SLIT3: variants seen among roughly 807,000 people sequenced by gnomAD.
The protein encoded by SLIT3 is slit homolog 3 protein.
In SLIT3, 68 loss-of-function variants were observed where a neutral mutation model predicts 184.0. The ratio of observed to expected loss-of-function variants is 0.37; its 90% confidence interval spans 0.30 to 0.45. SLIT3 has a LOEUF of 0.45. Among genes scored for constraint, SLIT3 ranks in the 20% least tolerant of loss-of-function variants. The pLI is 1.00. For missense variants in SLIT3, 1,707 were observed against 2,026.0 expected (o/e 0.84, Z 3.02); for synonymous variants, 831 against 828.6 (o/e 1.00, Z -0.05).
intron 4 of SLIT3, among the ~76,000 whole-genome samples, chr5:168,936,033 T>C (rs1762148165): frequency 6.6e-6 from 1 of 152,230 alleles, no homozygotes; most frequent in South Asian, 2.1e-4. Flanking sequence ...ATAGTTGTAA[T>C]TAGTTTCCCC....
At chr5:169,136,784 T>A (rs141635555) in intron 4 of SLIT3, among the ~76,000 whole-genome samples, 2 of 152,126 alleles carry the variant, frequency 1.3e-5, no homozygotes, top group Admixed American at 1.3e-4. Context: ...TGTGTATGAG[T>A]TGAACCATTA....
chr5:168,909,023 C>A (rs796080490), intron 4 of SLIT3, among the ~76,000 whole-genome samples: 8 of 152,326 alleles, frequency 5.3e-5, no homozygotes, highest in African/African-American at 1.9e-4. Flanking sequence ...AGGTACCCGC[C>A]AGGCTTCTTG....
At chr5:169,220,099 C>T (rs1240004271) in intron 3 of SLIT3, among the ~76,000 whole-genome samples, 1 of 152,074 alleles carries the variant, frequency 6.6e-6, no homozygotes, top group Non-Finnish European at 1.5e-5. Context: ...CTCTTTAGAC[C>T]CAGCACCACT....
intron 4 of SLIT3, among the ~76,000 whole-genome samples, chr5:169,053,073 T>TA (rs1757870599): frequency 6.6e-6 from 1 of 152,236 alleles, no homozygotes; most frequent in African/African-American, 2.4e-5. Flanking sequence ...AAGAAGGTGT[T>TA]ATACCTGTAG....
intron 4 of SLIT3, among the ~76,000 whole-genome samples, chr5:169,082,906 G>A (rs901671869): frequency 2.0e-5 from 3 of 152,192 alleles, no homozygotes; most frequent in South Asian, 2.1e-4. Context: ...ATTGACAAAT[G>A]TCTTCTCAGC....
intron 1 of SLIT3, among the ~76,000 whole-genome samples, chr5:169,299,079 G>A (rs1767598529): frequency 6.6e-6 from 1 of 152,088 alleles, no homozygotes; most frequent in African/African-American, 2.4e-5. Context: ...CCCCTTTATT[G>A]CCGTCAACTT....
intron 4 of SLIT3, among the ~76,000 whole-genome samples, chr5:169,088,999 G>A (rs61305293): frequency 0.015 from 1,643 of 106,256 alleles, 44 homozygotes; most frequent in African/African-American, 0.057. Flanking sequence ...CAGCCTGGGA[G>A]ACAGAGCAAG....
At chr5:169,004,725 G>C (rs777240074) in intron 4 of SLIT3, among the ~76,000 whole-genome samples, 8 of 152,044 alleles carry the variant, frequency 5.3e-5, no homozygotes, top group African/African-American at 1.9e-4. Context: ...AAGGAATTAG[G>C]TATAGATGAG....
intron 4 of SLIT3, chr5:169,018,836 G>C (rs915287785): frequency 6.6e-6 from 1 of 152,178 alleles, no homozygotes; most frequent in Non-Finnish European, 1.5e-5. Context: ...TTTTCCTTCT[G>C]TTTTGACTAC....
At chr5:169,264,603 C>A (rs561573868) in intron 1 of SLIT3, among the ~76,000 whole-genome samples, 9 of 152,278 alleles carry the variant, frequency 5.9e-5, no homozygotes, top group Admixed American at 6.5e-5. Flanking sequence ...CACCCAGCTA[C>A]CCTGATGAAA....
chr5:168,877,619 C>T (rs1759782200), intron 5 of SLIT3, among the ~76,000 whole-genome samples: 1 of 152,152 alleles, frequency 6.6e-6, no homozygotes, highest in Non-Finnish European at 1.5e-5. Context: ...GGAGACAGCC[C>T]TCATTAATCT....
chr5:169,106,551 A>G (rs931982556), intron 4 of SLIT3, among the ~76,000 whole-genome samples: 15 of 152,132 alleles, frequency 9.9e-5, no homozygotes, highest in African/African-American at 3.4e-4. Flanking sequence ...TAAAAAAATC[A>G]CCAGTATTGA....
At chr5:168,707,338 C>G (rs910342198) in intron 26 of SLIT3, 1 of 153,336 alleles carries the variant, frequency 6.5e-6, no homozygotes. Flanking sequence ...GGCACATGGT[C>G]GATATCCACA....
intron 4 of SLIT3, among the ~76,000 whole-genome samples, chr5:169,021,230 C>A (rs1174165427): frequency 6.6e-6 from 1 of 152,196 alleles, no homozygotes; most frequent in Admixed American, 6.5e-5. Context: ...TCCAAGAATG[C>A]CTGTGATCTG....
At chr5:168,755,389 A>ATTTATTTATTTCTTTC (rs1213373035) in intron 16 of SLIT3, among the ~76,000 whole-genome samples, 3 of 133,640 alleles carry the variant, frequency 2.2e-5, no homozygotes, top group Admixed American at 7.9e-5. Context: ...CAGTGCCGCC[A>ATTTATTTATTTCTTTC]TTTCTTTCTT....
chr5:169,131,609 A>G (rs1761300834), intron 4 of SLIT3, among the ~76,000 whole-genome samples: 1 of 152,230 alleles, frequency 6.6e-6, no homozygotes, highest in Non-Finnish European at 1.5e-5. Flanking sequence ...GTTTACGATC[A>G]TGCACCAACT....
intron 4 of SLIT3, among the ~76,000 whole-genome samples, chr5:169,056,951 CA>C (rs1284316628): frequency 6.6e-6 from 1 of 152,210 alleles, no homozygotes; most frequent in East Asian, 1.9e-4. Context: ...CTCATTTTCT[CA>C]GCTGTAAAGT....
chr5:168,666,668 A>G lies in SLIT3; in HGVS notation c.4358T>C (p.Val1453Ala), dbSNP rs201812377. Reference sequence around the variant, plus strand: ...CTGGCGGCGGATCACCTCTCGGACTACTTGTCCCAGGCACGGATTCTCTGC... The same window carrying G: ...CTGGCGGCGGATCACCTCTCGGACTGCTTGTCCCAGGCACGGATTCTCTGC... ...CQQENPCLGQ[V>A]VREVIRRQKG... The change falls in exon 36 of 36, where the codon GTA (valine) becomes GCA (alanine). Residue 1453 changes from valine (V) to alanine (A), a missense_variant. Physicochemically the swap from Val to Ala is moderately conservative, Grantham distance 64 (BLOSUM62 0). Transcript: ENST00000519560. 33 of 1,614,010 alleles carry G rather than the reference A, an allele frequency of 2.0e-5. No individual in the cohort carries two copies. Among genetic ancestry groups the G allele is most frequent in the Non-Finnish European group, 2.4e-5 (28 of 1,180,030 alleles).
intron 20 of SLIT3, among the ~76,000 whole-genome samples, chr5:168,735,659 G>C (rs895895930): frequency 2.1e-5 from 2 of 94,778 alleles, no homozygotes; most frequent in Non-Finnish European, 4.4e-5. Context: ...TAGACAGATA[G>C]ATACACACAC....
Sources: allele counts gnomAD v4.1 joint callset (sites outside exome capture counted in the v4.1 genomes callset), GRCh38; gene constraint gnomAD v4.1.1; transcripts MANE v1.5; gene names NCBI Gene and HGNC (gene_info 2026-07-23, HGNC 2026-07-21).